The following C12orf42 variants were observed in gnomAD, a reference collection of about 807,000 sequenced individuals.
C12orf42 encodes uncharacterized protein C12orf42.
C12orf42 carries 25 observed loss-of-function variants against 21.6 expected under a neutral mutation model. The observed-to-expected ratio is 1.16, with a 90% CI of 0.84 to 1.62. The LOEUF (loss-of-function observed/expected upper bound fraction) is 1.62. Among genes scored for constraint, C12orf42 ranks in the 40% most tolerant of loss-of-function variants. The pLI is 0.00. For missense variants in C12orf42, 483 were observed against 459.3 expected, an observed-to-expected ratio of 1.05 and a Z score of -0.47; for synonymous variants, 174 against 175.0, an observed-to-expected ratio of 0.99 and a Z score of 0.05.
chr12:103,557,192 AAAAAT>A, the C12orf42 span, among the ~76,000 whole-genome samples: 3 of 152,334 alleles, frequency 2.0e-5, no homozygotes, highest in African/African-American at 7.2e-5. Flanking sequence ...ATGCAAGGAG[AAAAAT>A]AAAATAATAG....
At chr12:103,128,386 G>A in the C12orf42 span, among the ~76,000 whole-genome samples, 1 of 152,204 alleles carries the variant, frequency 6.6e-6, no homozygotes, top group African/African-American at 2.4e-5. Flanking sequence ...CATTATATGG[G>A]GGGAGGGGGA....
At chr12:103,507,498 C>A in the C12orf42 span, among the ~76,000 whole-genome samples, 1 of 139,726 alleles carries the variant, frequency 7.2e-6, no homozygotes, top group African/African-American at 2.6e-5. Context: ...AGTGATACCC[C>A]ATCTTCAAAA....
chr12:103,156,152 A>G, the C12orf42 span: 1 of 152,064 alleles, frequency 6.6e-6, no homozygotes, highest in Non-Finnish European at 1.5e-5. Flanking sequence ...ATCCTCTTTG[A>G]ATCAGTTTGA....
intron 4 of C12orf42, among the ~76,000 whole-genome samples, chr12:103,340,890 G>GA (rs2042099797): frequency 1.3e-5 from 2 of 152,124 alleles, no homozygotes; most frequent in African/African-American, 2.4e-5. Context: ...TAGGCGGGGG[G>GA]ATCACGAGGT....
intron 4 of C12orf42, among the ~76,000 whole-genome samples, chr12:103,342,155 G>A (rs756049654): frequency 6.6e-6 from 1 of 152,146 alleles, no homozygotes; most frequent in Non-Finnish European, 1.5e-5. Context: ...TGGGGTGCAA[G>A]GGTAGATACC....
At chr12:103,330,271 G>A (rs1448318030) in intron 4 of C12orf42, among the ~76,000 whole-genome samples, 1 of 152,158 alleles carries the variant, frequency 6.6e-6, no homozygotes, top group Non-Finnish European at 1.5e-5. Flanking sequence ...TGTGTACAAA[G>A]GATGTGGCTC....
the C12orf42 span, among the ~76,000 whole-genome samples, chr12:103,144,488 G>A: frequency 6.6e-6 from 1 of 152,188 alleles, no homozygotes; most frequent in African/African-American, 2.4e-5. Flanking sequence ...TGAAAAATGA[G>A]ATATCGTAGA....
At chr12:103,478,817 C>T (rs1321541998) in intron 1 of C12orf42, among the ~76,000 whole-genome samples, 2 of 152,088 alleles carry the variant, frequency 1.3e-5, no homozygotes, top group African/African-American at 2.4e-5. Context: ...TCTTTTAAAT[C>T]ATCTTTCTAA....
the C12orf42 span, among the ~76,000 whole-genome samples, chr12:103,134,194 A>G: frequency 1.3e-5 from 2 of 152,298 alleles, no homozygotes; most frequent in Admixed American, 6.5e-5. Flanking sequence ...GACACAAAAA[A>G]CTTGAAAAAT....
At chr12:103,071,698 C>T in the C12orf42 span, among the ~76,000 whole-genome samples, 988 of 152,224 alleles carry the variant, frequency 6.5e-3, 9 homozygotes, top group African/African-American at 0.022. Context: ...TGTGACTTTG[C>T]TCCTTATTCA....
At chr12:103,513,599 G>A in the C12orf42 span, among the ~76,000 whole-genome samples, 1 of 152,144 alleles carries the variant, frequency 6.6e-6, no homozygotes, top group Non-Finnish European at 1.5e-5. Context: ...TTAGAAAATG[G>A]GGTCTTTCTC....
intron 2 of C12orf42, among the ~76,000 whole-genome samples, chr12:103,423,262 C>T (rs73387797): frequency 1.1e-4 from 17 of 152,294 alleles, no homozygotes; most frequent in African/African-American, 3.1e-4. Flanking sequence ...GGCCCTCCCC[C>T]CCTTGGCCCC....
At chr12:103,359,650 G>A (rs1409029281) in intron 4 of C12orf42, among the ~76,000 whole-genome samples, 2 of 152,014 alleles carry the variant, frequency 1.3e-5, no homozygotes, top group Non-Finnish European at 1.5e-5. Flanking sequence ...TAGAGAAGGG[G>A]TGGATTATGA....
intron 3 of C12orf42, chr12:103,378,577 G>C (rs1486637566): frequency 6.6e-6 from 1 of 152,246 alleles, no homozygotes; most frequent in South Asian, 2.1e-4. Context: ...ACTGGAGAGA[G>C]AGGGGATTCT....
At chr12:103,299,235 C>G (rs1178396369), downstream of C12orf42, among the ~76,000 whole-genome samples, 1 of 151,872 alleles carries the variant, frequency 6.6e-6, no homozygotes, top group Non-Finnish European at 1.5e-5. Context: ...GCTTCCTTAT[C>G]TATGAAATGG....
At chr12:103,084,317 G>T in the C12orf42 span, among the ~76,000 whole-genome samples, 2 of 152,114 alleles carry the variant, frequency 1.3e-5, no homozygotes, top group African/African-American at 2.4e-5. Flanking sequence ...AAGAATTGCT[G>T]CTTTAAAACA....
chr12:103,110,676 G>T, the C12orf42 span, among the ~76,000 whole-genome samples: 1 of 152,028 alleles, frequency 6.6e-6, no homozygotes, highest in Non-Finnish European at 1.5e-5. Context: ...GAATAAAGCT[G>T]CCCCAAATCT....
At chr12:103,130,814 A>G in the C12orf42 span, among the ~76,000 whole-genome samples, 13 of 152,098 alleles carry the variant, frequency 8.5e-5, no homozygotes, top group African/African-American at 3.1e-4. Flanking sequence ...GTGTCTGCCA[A>G]TTTTCTGCTG....
the C12orf42 span, among the ~76,000 whole-genome samples, chr12:103,080,745 T>C: frequency 1.3e-4 from 20 of 152,346 alleles, no homozygotes; most frequent in African/African-American, 4.6e-4. Context: ...ATGTTTCTAA[T>C]GACATTATTT....
Sources: gnomAD v4.1 joint callset for allele counts (sites outside exome capture counted in the v4.1 genomes callset) on GRCh38, gnomAD v4.1.1 for gene constraint, MANE v1.5 for transcripts, NCBI Gene and HGNC (gene_info 2026-07-23, HGNC 2026-07-21) for gene names.